PAK3: variants seen among roughly 807,000 people sequenced by gnomAD.
PAK3 encodes p21 (RAC1) activated kinase 3, also known as serine/threonine-protein kinase PAK 3.
In PAK3, 4 loss-of-function variants were observed where a neutral mutation model predicts 41.0. The ratio of observed to expected loss-of-function variants is 0.10; its 90% CI spans 0.05 to 0.22. The LOEUF (loss-of-function observed/expected upper bound fraction) is 0.22. Among genes scored for constraint, PAK3 ranks in the 10% least tolerant of loss-of-function variants. PAK3 has a pLI of 1.00. For missense variants in PAK3, 205 were observed against 409.9 expected (o/e 0.50, Z 4.32); for synonymous variants, 146 against 139.6 (o/e 1.05, Z -0.32).
chrX:111,075,034 A>G (rs1464246861), intron 1 of PAK3, among the ~76,000 whole-genome samples: 1 of 111,976 alleles, frequency 8.9e-6, no homozygotes, highest in East Asian at 2.8e-4. Flanking sequence ...ACATCCTACA[A>G]TCAGATACAG....
chrX:111,175,095 A>G (rs1217698751), intron 11 of PAK3, among the ~76,000 whole-genome samples: 1 of 111,963 alleles, frequency 8.9e-6, no homozygotes, highest in East Asian at 2.8e-4. Flanking sequence ...TATGTACTAA[A>G]GGGACTTAGA....
intron 1 of PAK3, among the ~76,000 whole-genome samples, chrX:111,031,687 C>T (rs944728660): frequency 3.6e-5 from 4 of 111,671 alleles, no homozygotes; most frequent in African/African-American, 6.5e-5. Context: ...GGGTTACTAT[C>T]GCAACCTCAT....
rs2094923339 is a variant in PAK3 at position 111,220,945 on chromosome X, C to CAAAAAAAAAAAAAAAACAAAA, written c.*514_*515insCAAAAAAAAAAAAAAAAAAAA. On this transcript the variant is annotated 3_prime_UTR_variant, in exon 18 of 18. Transcript: ENST00000372007. ...AAAAAAGAAAGCAAAAAAAGCAAGG[C>CAAAAAAAAAAAAAAAACAAAA]AAAAAAAAAAAAAAAAACAAACAAA... 3 of 49,435 alleles carry CAAAAAAAAAAAAAAAACAAAA rather than the reference C, an allele frequency of 6.1e-5. No individual in the cohort carries two copies. The highest frequency in any genetic ancestry group is 8.5e-5 in the African/African-American group (1 of 11,723). 4.1% of individuals were successfully genotyped at this position (49,435 alleles called of 1,213,427 possible). A position where few individuals can be genotyped will look rare whatever the true frequency, so the allele number is the denominator to read the frequency against.
At chrX:111,023,079 C>T (rs1463373178) in intron 1 of PAK3, among the ~76,000 whole-genome samples, 1 of 110,704 alleles carries the variant, frequency 9.0e-6, no homozygotes. Flanking sequence ...GTGTGATGTT[C>T]CCCTCTCTGT....
chrX:111,050,973 C>G (rs1182666849), intron 1 of PAK3, among the ~76,000 whole-genome samples: 3 of 111,619 alleles, frequency 2.7e-5, no homozygotes, highest in East Asian at 5.7e-4. Flanking sequence ...AATAGAGACT[C>G]AAAGGACAAA....
chrX:111,198,792 G>T (rs2149339960), intron 16 of PAK3, among the ~76,000 whole-genome samples: 1 of 110,935 alleles, frequency 9.0e-6, no homozygotes, highest in African/African-American at 3.3e-5. Context: ...TTTTTGCTTG[G>T]TATTGCTTTG....
intron 1 of PAK3, among the ~76,000 whole-genome samples, chrX:111,078,231 G>A (rs1422849074): frequency 9.2e-6 from 1 of 108,205 alleles, no homozygotes; most frequent in Non-Finnish European, 1.9e-5. Context: ...TTGTTTAATT[G>A]TGCTTTGCAG....
chrX:111,177,407 C>T (rs920398025), intron 11 of PAK3, among the ~76,000 whole-genome samples: 3 of 112,312 alleles, frequency 2.7e-5, no homozygotes, highest in African/African-American at 9.7e-5. Flanking sequence ...TTCAGAATCA[C>T]ATGTCTAATC....
intron 1 of PAK3, among the ~76,000 whole-genome samples, chrX:111,015,924 CT>C (rs767338100): frequency 8.9e-6 from 1 of 112,281 alleles, no homozygotes; most frequent in Admixed American, 9.5e-5. Flanking sequence ...CTCTTTCACT[CT>C]TGATTGTTTC....
At chrX:111,101,357 T>G (rs764602756) in intron 3 of PAK3, among the ~76,000 whole-genome samples, 1 of 111,613 alleles carries the variant, frequency 9.0e-6, no homozygotes, top group Non-Finnish European at 1.9e-5. Flanking sequence ...CTGTGTCCTG[T>G]CAGTTGATTC....
intron 1 of PAK3, among the ~76,000 whole-genome samples, chrX:111,064,646 A>G (rs145742722): frequency 0.011 from 1,190 of 112,338 alleles, 3 homozygotes; most frequent in Non-Finnish European, 0.018. Context: ...ATATGGCTAC[A>G]TGGTATTCTA....
chrX:111,164,471 C>T (rs1210851445), intron 10 of PAK3, among the ~76,000 whole-genome samples: 3 of 111,204 alleles, frequency 2.7e-5, no homozygotes, highest in Non-Finnish European at 5.7e-5. Context: ...TCAAAAGTTG[C>T]CTCCTCAGAA....
intron 1 of PAK3, among the ~76,000 whole-genome samples, chrX:110,953,012 A>T (rs1407790322): frequency 1.8e-5 from 2 of 112,399 alleles, no homozygotes; most frequent in East Asian, 2.8e-4. Context: ...TGATACATTT[A>T]TACTTTTTGA....
At chrX:110,967,825 T>C (rs938239246) in intron 1 of PAK3, among the ~76,000 whole-genome samples, 5 of 111,927 alleles carry the variant, frequency 4.5e-5, no homozygotes, top group Non-Finnish European at 5.6e-5. Flanking sequence ...CATCATGTAA[T>C]ATCAAACCAG....
At chrX:110,968,482 C>A (rs1348197967) in intron 1 of PAK3, among the ~76,000 whole-genome samples, 1 of 112,480 alleles carries the variant, frequency 8.9e-6, no homozygotes, top group Non-Finnish European at 1.9e-5. Context: ...TACATCTTTG[C>A]CAACATTTGG....
intron 1 of PAK3, among the ~76,000 whole-genome samples, chrX:111,040,598 A>T (rs1181101187): frequency 8.9e-6 from 1 of 112,006 alleles, no homozygotes; most frequent in Non-Finnish European, 1.9e-5. Context: ...TAGGTAAATC[A>T]CTTGGCCTCT....
chrX:110,991,164 C>T (rs1177121789), intron 1 of PAK3, among the ~76,000 whole-genome samples: 1 of 109,870 alleles, frequency 9.1e-6, no homozygotes, highest in Non-Finnish European at 1.9e-5. Context: ...GAAAACAAAC[C>T]AAGGCAGAGG....
intron 11 of PAK3, among the ~76,000 whole-genome samples, chrX:111,188,609 G>T (rs1459067121): frequency 8.9e-6 from 1 of 111,859 alleles, no homozygotes; most frequent in Non-Finnish European, 1.9e-5. Context: ...AGGATGCTTT[G>T]GCTGGGAGGT....
At chrX:111,148,036 T>C in intron 7 of PAK3, 146 bp downstream of exon 7, 1 of 483,181 alleles carries the variant, frequency 2.1e-6, no homozygotes, top group South Asian at 3.2e-5. Context: ...AAAAAATGAG[T>C]TGGAATTTGA....
Sources: gnomAD v4.1 joint callset for allele counts (sites outside exome capture counted in the v4.1 genomes callset) on GRCh38, gnomAD v4.1.1 for gene constraint, MANE v1.5 for transcripts, NCBI Gene and HGNC (gene_info 2026-07-23, HGNC 2026-07-21) for gene names.